The following ANKS1B variants were observed in gnomAD, a reference collection of about 807,000 sequenced individuals.
The protein encoded by ANKS1B is ankyrin repeat and sterile alpha motif domain containing 1B, also known as ankyrin repeat and sterile alpha motif domain-containing protein 1B.
ANKS1B carries 36 observed loss-of-function variants against 148.3 expected under a neutral mutation model. That is an observed-to-expected ratio of 0.24 (90% confidence interval 0.19 to 0.32). The LOEUF (loss-of-function observed/expected upper bound fraction) is 0.32, where lower values mean the gene tolerates loss of function less well. Ranked by LOEUF, ANKS1B falls within the 10% of genes least tolerant of loss-of-function variation. The pLI is 1.00. For synonymous variants in ANKS1B, 542 were observed against 560.8 expected (o/e 0.97, Z 0.47); for missense variants, 1,157 against 1,542.6 (o/e 0.75, Z 4.19).
chr12:98,916,838 C>G (rs575762030), intron 17 of ANKS1B, among the ~76,000 whole-genome samples: 52 of 152,252 alleles, frequency 3.4e-4, no homozygotes, highest in African/African-American at 1.2e-3. Flanking sequence ...AAAATCTGTG[C>G]CACAATTCCT....
chr12:99,984,062 A>G lies in ANKS1B; in HGVS notation c.134+42T>C, dbSNP rs1187257170. 1.9e-6 allele frequency: 3 copies of G among 1,563,948 alleles called. No individual in the cohort carries two copies. The Admixed American group carries it at 5.2e-5, about 27-fold the overall frequency. On this transcript the variant is annotated intron_variant, in intron 1 of 26. Transcript: ENST00000683438. ...GGAGGACGTATATCCATCACAATGC[A>G]TAATGAGGTGTGCCAACCCCGGAGC... is the stretch of plus-strand genomic sequence containing the variant.
intron 24 of ANKS1B, among the ~76,000 whole-genome samples, chr12:98,776,305 G>A (rs372872416): frequency 6.6e-6 from 1 of 152,232 alleles, no homozygotes; most frequent in African/African-American, 2.4e-5. Context: ...AAATTAAAAA[G>A]TGATGTCATG....
chr12:99,687,969 T>C (rs912077739), intron 8 of ANKS1B, among the ~76,000 whole-genome samples: 1 of 152,210 alleles, frequency 6.6e-6, no homozygotes, highest in African/African-American at 2.4e-5. Context: ...TGCAGATCAG[T>C]TTCATTACTT....
intron 9 of ANKS1B, among the ~76,000 whole-genome samples, chr12:99,600,664 T>C (rs1418903074): frequency 6.6e-6 from 1 of 151,976 alleles, no homozygotes; most frequent in African/African-American, 2.4e-5. Flanking sequence ...CAATCACGCC[T>C]GCCAAGACAC....
intron 1 of ANKS1B, among the ~76,000 whole-genome samples, chr12:99,906,258 G>C (rs2093778058): frequency 6.6e-6 from 1 of 152,138 alleles, no homozygotes; most frequent in Non-Finnish European, 1.5e-5. Context: ...CAATGAAGAG[G>C]AAAAGACCTC....
At chr12:99,915,783 G>A (rs1219409272) in intron 1 of ANKS1B, among the ~76,000 whole-genome samples, 3 of 152,184 alleles carry the variant, frequency 2.0e-5, no homozygotes, top group Non-Finnish European at 4.4e-5. Context: ...CAGTTTTGAA[G>A]GCCAGAAGTC....
intron 17 of ANKS1B, among the ~76,000 whole-genome samples, chr12:98,956,883 C>T (rs1417151445): frequency 6.6e-6 from 1 of 152,128 alleles, no homozygotes; most frequent in Non-Finnish European, 1.5e-5. Context: ...ATCTGCTCCT[C>T]CCTCCATCTC....
chr12:99,497,907 A>G (rs536126150), intron 10 of ANKS1B, among the ~76,000 whole-genome samples: 2 of 152,072 alleles, frequency 1.3e-5, no homozygotes, highest in South Asian at 2.1e-4. Flanking sequence ...TCTTGTATAG[A>G]GTAGTAATGC....
At chr12:99,104,060 G>A (rs1012846661) in intron 15 of ANKS1B, among the ~76,000 whole-genome samples, 1 of 152,158 alleles carries the variant, frequency 6.6e-6, no homozygotes, top group Admixed American at 6.5e-5. Context: ...TAGGTTTCTT[G>A]CAGAACTTAG....
At chr12:99,289,609 C>A (rs1158964724) in intron 12 of ANKS1B, among the ~76,000 whole-genome samples, 1 of 151,764 alleles carries the variant, frequency 6.6e-6, no homozygotes, top group Non-Finnish European at 1.5e-5. Context: ...AAATCAATAA[C>A]AAGAAGAATG....
chr12:99,756,759 C>G (rs993247624), intron 8 of ANKS1B, among the ~76,000 whole-genome samples: 4 of 151,872 alleles, frequency 2.6e-5, no homozygotes, highest in African/African-American at 9.7e-5. Context: ...ATAGAGAATT[C>G]AGAAATAAGA....
At chr12:98,750,951 G>A (rs1043941090) in intron 26 of ANKS1B, among the ~76,000 whole-genome samples, 5 of 152,224 alleles carry the variant, frequency 3.3e-5, no homozygotes, top group African/African-American at 1.2e-4. Context: ...TCATCACTGT[G>A]TACCTCTGCA....
chr12:98,984,101 A>C (rs1406483063), intron 17 of ANKS1B, among the ~76,000 whole-genome samples: 1 of 152,310 alleles, frequency 6.6e-6, no homozygotes, highest in East Asian at 1.9e-4. Context: ...ACACATGCTG[A>C]CAAGTCTTTT....
chr12:99,379,641 G>C (rs916019137), intron 12 of ANKS1B, among the ~76,000 whole-genome samples: 1 of 152,132 alleles, frequency 6.6e-6, no homozygotes, highest in Non-Finnish European at 1.5e-5. Flanking sequence ...GAAGACTTTG[G>C]AAGTGATTAC....
chr12:99,009,951 A>G (rs1200040944), intron 17 of ANKS1B, among the ~76,000 whole-genome samples: 1 of 152,206 alleles, frequency 6.6e-6, no homozygotes, highest in Non-Finnish European at 1.5e-5. Flanking sequence ...ATTAGAGCAA[A>G]GCTCACTGGG....
chr12:99,311,438 A>T (rs1041439454), intron 12 of ANKS1B, among the ~76,000 whole-genome samples: 2 of 152,178 alleles, frequency 1.3e-5, no homozygotes, highest in Non-Finnish European at 2.9e-5. Flanking sequence ...ATATATATGA[A>T]GGTATAAAAT....
At chr12:98,772,940 T>G (rs1332097281) in intron 25 of ANKS1B, 102 bp downstream of exon 25, 1 of 1,354,148 alleles carries the variant, frequency 7.4e-7, no homozygotes. Context: ...TAATACCGGG[T>G]AAACAAGCCA....
intron 17 of ANKS1B, among the ~76,000 whole-genome samples, chr12:99,039,169 G>A (rs930190896): frequency 6.6e-6 from 1 of 152,146 alleles, no homozygotes; most frequent in Non-Finnish European, 1.5e-5. Flanking sequence ...GGCATACTGG[G>A]CCCTCACAAA....
intron 26 of ANKS1B, among the ~76,000 whole-genome samples, chr12:98,749,397 G>A (rs1274473781): frequency 7.2e-5 from 11 of 152,008 alleles, no homozygotes; most frequent in South Asian, 2.1e-4. Context: ...GTGAGCCACC[G>A]TGCCCGGCCC....
Sources: allele counts gnomAD v4.1 joint callset (sites outside exome capture counted in the v4.1 genomes callset), GRCh38; gene constraint gnomAD v4.1.1; transcripts MANE v1.5; gene names NCBI Gene and HGNC (gene_info 2026-07-23, HGNC 2026-07-21).